The following SSX7 variants were observed in gnomAD, a reference collection of about 807,000 sequenced individuals.
SSX7 encodes SSX family member 7, also known as protein SSX7.
Under a neutral mutation model 14.7 loss-of-function variants are expected in SSX7, and 15 were observed. The observed-to-expected ratio is 1.02, with a 90% CI of 0.68 to 1.58. The LOEUF (loss-of-function observed/expected upper bound fraction) is 1.58. Among genes scored for constraint, SSX7 ranks in the 40% most tolerant of loss-of-function variants. SSX7 has a pLI of 0.00. For missense variants in SSX7, 178 were observed against 146.8 expected (o/e 1.21, Z -1.10); for synonymous variants, 46 against 50.6 (o/e 0.91, Z 0.38).
intron 6 of SSX7, among the ~76,000 whole-genome samples, chrX:52,646,681 C>A (rs143896403): frequency 0.02 from 2,265 of 112,180 alleles, 30 homozygotes; most frequent in Middle Eastern, 0.087. Flanking sequence ...CACCGATGAG[C>A]TATTCCCCAT....
chrX:52,653,645 C>T (rs782453673), intron 1 of SSX7, among the ~76,000 whole-genome samples, 153 bp from the exon 2 acceptor site: 23 of 110,111 alleles, frequency 2.1e-4, no homozygotes, highest in African/African-American at 7.3e-4. Flanking sequence ...TGACATGGGG[C>T]GAAGTCAGAT....
intron 1 of SSX7, among the ~76,000 whole-genome samples, chrX:52,654,459 C>G (rs12392208): frequency 0.052 from 5,351 of 103,086 alleles, 173 homozygotes; most frequent in African/African-American, 0.12. Context: ...CCTCCGCCTC[C>G]TGGGTTCAAG....
intron 7 of SSX7, 116 bp downstream of exon 7, chrX:52,645,323 C>T: frequency 8.5e-7 from 1 of 1,182,169 alleles, no homozygotes; most frequent in Non-Finnish European, 1.1e-6. Context: ...AATGCTGTAC[C>T]CTAGAAAATT....
At chrX:52,648,506 G>A (rs1371677277) in intron 5 of SSX7, 110 bp from the exon 6 acceptor site, 5 of 1,089,232 alleles carry the variant, frequency 4.6e-6, no homozygotes, top group Admixed American at 5.2e-5. Flanking sequence ...TCTCAACAAT[G>A]CTGGGAGAGT....
chrX:52,648,694 T>G (rs782184194), intron 5 of SSX7, among the ~76,000 whole-genome samples: 7 of 111,815 alleles, frequency 6.3e-5, no homozygotes, highest in Non-Finnish European at 1.9e-5. Context: ...GGAAGAAGGA[T>G]AGCATTTTTA....
rs1925318224 is a variant in SSX7 at position 52,648,345 on chromosome X, C to G, written c.382G>C (p.Glu128Gln). Residue 128 changes from glutamate (E) to glutamine (Q), a missense_variant, in exon 6 of 8, where the codon GAA becomes CAA. By Grantham distance (29) the Glu-to-Gln change is conservative. Coordinates refer to ENST00000298181, the MANE Select transcript of SSX7 (RefSeq NM_173358.2). ...CCATCGTTCTGTGAGCCAGATGCTTCTGGCACTCCCTTCGAATCATTTCCT... is the reference window on the plus strand; with the variant it reads ...CCATCGTTCTGTGAGCCAGATGCTTGTGGCACTCCCTTCGAATCATTTCCT... ...EEGNDSKGVP[E>Q]ASGSQNDGKH... 8.3e-7 allele frequency: 1 copy of G among 1,211,913 alleles called. No homozygotes were observed. Among genetic ancestry groups the G allele is most frequent in the Non-Finnish European group, 1.1e-6 (1 of 895,572 alleles).
intron 4 of SSX7, 74 bp from the exon 5 acceptor site, chrX:52,650,476 G>T: frequency 1.9e-6 from 2 of 1,068,340 alleles, no homozygotes; most frequent in Middle Eastern, 7.2e-4. Flanking sequence ...GTAGCATCAG[G>T]GTATTCTGCA....
At chrX:52,651,083 C>T (rs1260060156) in intron 4 of SSX7, among the ~76,000 whole-genome samples, 3 of 111,794 alleles carry the variant, frequency 2.7e-5, no homozygotes, top group African/African-American at 6.5e-5. Context: ...AGATCTCTAC[C>T]GAAGAACCTG....
intron 1 of SSX7, among the ~76,000 whole-genome samples, chrX:52,654,017 G>C (rs1569174383): frequency 9.0e-6 from 1 of 111,115 alleles, no homozygotes; most frequent in Non-Finnish European, 1.9e-5. Context: ...GGCTATTACT[G>C]GGTGATTTGT....
In SSX7 at chrX:52,644,517, A is replaced by C. The variant is rs1216478239; in HGVS notation, c.*158T>G. The C allele has an allele frequency of 2.2e-4, 188 of 867,388 alleles. No individual in the cohort carries two copies. The African/African-American group carries it at 3.4e-3, about 16-fold the overall frequency. The allele number at this position is 867,388 out of a possible 1,213,427, so 71.5% of individuals were successfully genotyped here. A position where few individuals can be genotyped will look rare whatever the true frequency, so the allele number is the denominator to read the frequency against. On this transcript the variant is annotated 3_prime_UTR_variant, in exon 8 of 8. Transcript: ENST00000298181. Reference sequence around the variant, plus strand: ...GAAACACTAACATCGAACTCTTGTCACACTAAGAAAAACGACGCTCAACTT... The same window carrying C: ...GAAACACTAACATCGAACTCTTGTCCCACTAAGAAAAACGACGCTCAACTT...
chrX:52,647,037 C>T (rs1601973844), intron 6 of SSX7, among the ~76,000 whole-genome samples: 1 of 112,594 alleles, frequency 8.9e-6, no homozygotes, highest in African/African-American at 3.2e-5. Flanking sequence ...AACTGCCTTA[C>T]TGCTCAAATA....
At position 52,645,458 on chromosome X, in the gene SSX7, T is replaced by C. The variant is rs782692721; in HGVS notation, c.552A>G (p.Glu184=). Residue 184 remains glutamate (E), a synonymous_variant, in exon 7 of 8, where the codon GAA becomes GAG. Transcript: ENST00000298181. ...LVIYEEISDP[E]EDDE The stretch of plus-strand genomic sequence containing the variant: ...ACTTACGGAGTTACTCGTCGTCTTC[T>C]TCAGGGTCGCTGATCTCTTCATAAA... 53 of 1,193,270 alleles carry C rather than the reference T, an allele frequency of 4.4e-5. No homozygotes were observed. In the South Asian group the frequency reaches 5.6e-4, roughly 13 times the overall value.
At chrX:52,653,135 T>C in intron 2 of SSX7, 151 bp from the exon 3 acceptor site, 5 of 1,172,701 alleles carry the variant, frequency 4.3e-6, no homozygotes, top group Non-Finnish European at 5.7e-6. Context: ...GCTTCACCCC[T>C]GCCACACAGT....
chrX:52,653,015 G>A (rs782447607), intron 2 of SSX7, 31 bp from the exon 3 acceptor site: 51 of 1,189,950 alleles, frequency 4.3e-5, no homozygotes, highest in Non-Finnish European at 4.7e-5. Context: ...AATTTTGTCA[G>A]TGACTCAGCT....
At position 52,653,460 on chromosome X, in the gene SSX7, C is replaced by T. The variant is rs1925506804; in HGVS notation, c.13G>A (p.Asp5Asn). 8.3e-7 allele frequency: 1 copy of T among 1,211,329 alleles called. No homozygotes were observed. Among genetic ancestry groups the T allele is most frequent in the Non-Finnish European group, 1.1e-6 (1 of 895,361 alleles). ...GCCCTAGGTCTCCTTGCAAAGGCGTCGTCTCCGTTCATGGCACCAGGAGCA... is the reference window on the plus strand; with the variant it reads ...GCCCTAGGTCTCCTTGCAAAGGCGTTGTCTCCGTTCATGGCACCAGGAGCA... MNGD[D>N]AFARRPRAGA... Residue 5 changes from aspartate to asparagine, a missense_variant, in exon 2 of 8, where the codon GAC becomes AAC. By Grantham distance (23) the Asp-to-Asn change is conservative (BLOSUM62 1). Transcript: ENST00000298181.
Position 52,644,558 on chromosome X carries a change from A to G in SSX7, c.*117T>C. 9.2e-7 allele frequency: 1 copy of G among 1,083,535 alleles called. No individual in the cohort carries two copies. The highest frequency in any genetic ancestry group is 2.2e-5 in the Admixed American group (1 of 45,181). The allele number at this position is 1,083,535 out of a possible 1,213,427, so 89.3% of individuals were successfully genotyped here. On this transcript the variant is annotated 3_prime_UTR_variant, in exon 8 of 8. Coordinates refer to ENST00000298181, the MANE Select transcript of SSX7 (RefSeq NM_173358.2). Reference sequence around the variant, plus strand: ...CGCTCAACTTTTCACTGTTGTGAACACTTGCTTTCACTTGCTATGCACCTG... The same window carrying G: ...CGCTCAACTTTTCACTGTTGTGAACGCTTGCTTTCACTTGCTATGCACCTG...
Position 52,644,236 on chromosome X carries a change from CTG to C in SSX7, c.*437_*438del. On this transcript the variant is annotated 3_prime_UTR_variant, in exon 8 of 8. Coordinates refer to ENST00000298181, the MANE Select transcript of SSX7 (RefSeq NM_173358.2). ...TTGGTGTGTCTGTGTGTGTGTGTGT[CTG>C]TGTGTGTGTGTTTGTGTGTCTGGTG... 1.0e-5 allele frequency: 1 copy of C among 99,849 alleles called. No individual in the cohort carries two copies. Among genetic ancestry groups the C allele is most frequent in the Non-Finnish European group, 1.7e-5 (1 of 59,541 alleles). 8.2% of individuals were successfully genotyped at this position (99,849 alleles called of 1,213,427 possible). A position where few individuals can be genotyped will look rare whatever the true frequency, so the allele number is the denominator to read the frequency against.
intron 7 of SSX7, among the ~76,000 whole-genome samples, 174 bp from the exon 8 acceptor site, chrX:52,644,844 A>T (rs1925182218): frequency 9.0e-6 from 1 of 111,173 alleles, no homozygotes; most frequent in Non-Finnish European, 1.9e-5. Context: ...TGCCACAGTG[A>T]CTTCTTCGCC....
intron 4 of SSX7, among the ~76,000 whole-genome samples, chrX:52,650,838 T>C (rs187716902): frequency 8.9e-6 from 1 of 112,137 alleles, no homozygotes; most frequent in Admixed American, 9.5e-5. Context: ...CTCTGAGATA[T>C]TTTCAGTATA....
Sources: gnomAD v4.1 joint callset for allele counts (sites outside exome capture counted in the v4.1 genomes callset) on GRCh38, gnomAD v4.1.1 for gene constraint, MANE v1.5 for transcripts, NCBI Gene and HGNC (gene_info 2026-07-23, HGNC 2026-07-21) for gene names.